Variants in CSMD1 observed in about 807,000 individuals in gnomAD.
CSMD1 encodes CUB and Sushi multiple domains 1.
A neutral mutation model predicts 417.5 loss-of-function variants in CSMD1; 213 were observed. The observed-to-expected ratio is 0.51, with a 90% CI of 0.46 to 0.57. The LOEUF is 0.57. CSMD1 is among the 20% of genes least tolerant of loss of function. CSMD1 has a pLI of 0.00. For missense variants in CSMD1, 6,923 were observed against 4,529.7 expected (o/e 1.53, Z -15.17); for synonymous variants, 2,862 against 1,736.8 (o/e 1.65, Z -16.11).
intron 1 of CSMD1, among the ~76,000 whole-genome samples, chr8:4,730,950 G>C (rs1268445355): frequency 6.6e-6 from 1 of 152,026 alleles, no homozygotes; most frequent in Non-Finnish European, 1.5e-5. Flanking sequence ...CAGTGTTCCT[G>C]CCTATTGGGG....
At chr8:3,122,405 T>C (rs963921325) in intron 41 of CSMD1, among the ~76,000 whole-genome samples, 4 of 152,214 alleles carry the variant, frequency 2.6e-5, no homozygotes, top group South Asian at 2.1e-4. Flanking sequence ...ATAAACCTTA[T>C]AAGCACAATT....
chr8:3,657,001 C>A (rs1174360235), intron 7 of CSMD1, among the ~76,000 whole-genome samples: 1 of 151,888 alleles, frequency 6.6e-6, no homozygotes, highest in African/African-American at 2.4e-5. Flanking sequence ...GGGGATGTGA[C>A]CCACTCATGG....
intron 23 of CSMD1, among the ~76,000 whole-genome samples, chr8:3,318,505 A>G (rs1338264273): frequency 6.6e-6 from 1 of 152,074 alleles, no homozygotes; most frequent in Non-Finnish European, 1.5e-5. Flanking sequence ...GATAACATAT[A>G]AAAGTTAACA....
chr8:3,315,437 A>ACTGT (rs1554512191), intron 23 of CSMD1, among the ~76,000 whole-genome samples: 9 of 124,056 alleles, frequency 7.3e-5, no homozygotes, highest in African/African-American at 1.6e-4. Flanking sequence ...AGGTGAAGTG[A>ACTGT]GTGTGTGTGT....
intron 2 of CSMD1, among the ~76,000 whole-genome samples, chr8:4,558,402 C>CT (rs1028401808): frequency 2.0e-5 from 3 of 152,078 alleles, no homozygotes; most frequent in Non-Finnish European, 4.4e-5. Flanking sequence ...AATTAATAAT[C>CT]TTTTTTAACT....
chr8:3,492,934 G>C (rs1165150203), intron 11 of CSMD1, among the ~76,000 whole-genome samples: 4 of 152,070 alleles, frequency 2.6e-5, no homozygotes, highest in African/African-American at 7.2e-5. Flanking sequence ...AGACTAGAAA[G>C]CATCTGTACC....
chr8:4,905,247 C>T (rs1271666584), intron 1 of CSMD1, among the ~76,000 whole-genome samples: 1 of 152,128 alleles, frequency 6.6e-6, no homozygotes, highest in South Asian at 2.1e-4. Context: ...CCAAGTAACA[C>T]ATTAACCAGC....
intron 4 of CSMD1, among the ~76,000 whole-genome samples, chr8:4,018,083 G>T (rs1046122571): frequency 6.6e-6 from 1 of 152,070 alleles, no homozygotes; most frequent in African/African-American, 2.4e-5. Context: ...AAATAAGCTG[G>T]TTATTATAGC....
intron 1 of CSMD1, among the ~76,000 whole-genome samples, chr8:4,908,517 T>A (rs1014776256): frequency 6.7e-6 from 1 of 150,246 alleles, no homozygotes; most frequent in Admixed American, 6.9e-5. Flanking sequence ...TCCATAGTTC[T>A]TGGATGTTCT....
At chr8:3,717,330 A>T (rs921281204) in intron 6 of CSMD1, among the ~76,000 whole-genome samples, 1 of 152,214 alleles carries the variant, frequency 6.6e-6, no homozygotes, top group South Asian at 2.1e-4. Context: ...CAGTTGTTTA[A>T]ATATGATTAA....
At chr8:3,462,092 C>A (rs1057188114) in intron 12 of CSMD1, among the ~76,000 whole-genome samples, 9 of 147,672 alleles carry the variant, frequency 6.1e-5, no homozygotes, top group Admixed American at 1.4e-4. Flanking sequence ...ATCCCAAGGG[C>A]ACCATTTGGG....
Position 3,997,985 on chromosome 8 carries a change from T to A in CSMD1, c.736A>T (p.Ile246Phe), listed in dbSNP as rs372517770. 8 of 1,610,946 alleles carry A rather than the reference T, an allele frequency of 5.0e-6. No individual in the cohort carries two copies. The highest frequency in any genetic ancestry group is 6.8e-6 in the Non-Finnish European group (8 of 1,178,542). Residue 246 changes from isoleucine (I) to phenylalanine (F), a missense_variant, in exon 5 of 70, where the codon ATT becomes TTT. Physicochemically the swap from Ile to Phe is conservative, Grantham distance 21. Transcript: ENST00000635120. ...WTILAEPGDT[I>F]ALVFTDFQLE... ...TGAAAGTCAGTGAAGACCAGCGCAA[T>A]GGTGTCCCCGGGCTCAGCCAGAATG...
intron 5 of CSMD1, among the ~76,000 whole-genome samples, chr8:3,898,648 C>T (rs537248993): frequency 2.6e-4 from 40 of 152,262 alleles, no homozygotes; most frequent in African/African-American, 9.6e-4. Flanking sequence ...CATTTTGAAT[C>T]CACATGCAGA....
intron 3 of CSMD1, among the ~76,000 whole-genome samples, chr8:4,161,711 A>C (rs2131098290): frequency 6.6e-6 from 1 of 152,344 alleles, no homozygotes. Flanking sequence ...ACGAATCATA[A>C]GAAAACCATT....
At chr8:3,717,698 T>G (rs2623560) in intron 6 of CSMD1, among the ~76,000 whole-genome samples, 55,261 of 151,934 alleles carry the variant, frequency 0.36, 10,501 homozygotes, top group East Asian at 0.5. Context: ...GTGAAGACAC[T>G]TAATATTGGT....
At position 4,826,367 on chromosome 8, in the gene CSMD1, T is replaced by G. The variant is rs1000428156; in HGVS notation, c.85+167965A>C. 2.6e-5 allele frequency among the ~76,000 whole-genome samples: 4 copies of G among 152,274 alleles called. No individual in the cohort carries two copies. In the East Asian group the frequency reaches 7.7e-4, roughly 29 times the overall value. Reference sequence around the variant, plus strand: ...ATATAATTACAGCTTTTTCCACTTTTTAAAAGACGCAATCCTGCATATGCA... The same window carrying G: ...ATATAATTACAGCTTTTTCCACTTTGTAAAAGACGCAATCCTGCATATGCA... On this transcript the variant is annotated intron_variant, in intron 1 of 69. Coordinates refer to ENST00000635120, the MANE Select transcript of CSMD1 (RefSeq NM_033225.6).
At chr8:3,318,404 C>G (rs188449471) in intron 23 of CSMD1, among the ~76,000 whole-genome samples, 1 of 152,136 alleles carries the variant, frequency 6.6e-6, no homozygotes, top group African/African-American at 2.4e-5. Context: ...AGTGCCTGCT[C>G]GGCTTCAGAT....
intron 26 of CSMD1, among the ~76,000 whole-genome samples, chr8:3,241,027 A>T (rs1257987844): frequency 6.7e-6 from 1 of 149,474 alleles, no homozygotes; most frequent in Admixed American, 6.8e-5. Flanking sequence ...ATCGGTCACC[A>T]AGGAGGGAGT....
intron 3 of CSMD1, among the ~76,000 whole-genome samples, chr8:4,141,862 A>G (rs1803811765): frequency 6.6e-6 from 1 of 151,116 alleles, no homozygotes; most frequent in African/African-American, 2.5e-5. Flanking sequence ...CCATTTAGAT[A>G]TTGAGAGTAC....
Sources: gnomAD v4.1 joint callset for allele counts (sites outside exome capture counted in the v4.1 genomes callset) on GRCh38, gnomAD v4.1.1 for gene constraint, MANE v1.5 for transcripts, NCBI Gene and HGNC (gene_info 2026-07-23, HGNC 2026-07-21) for gene names.